Variants in ITGAM observed in about 807,000 individuals in gnomAD.
ITGAM encodes the protein integrin alpha-M.
Under a neutral mutation model 137.5 loss-of-function variants are expected in ITGAM, and 79 were observed. That is an observed-to-expected ratio of 0.57 (90% CI 0.48 to 0.69). The LOEUF is 0.69. Among genes scored for constraint, ITGAM ranks in the 30% least tolerant of loss-of-function variants. ITGAM has a pLI of 0.00. For missense variants in ITGAM, 1,343 were observed against 1,483.5 expected, an observed-to-expected ratio of 0.91 and a Z score of 1.56; for synonymous variants, 583 against 592.3, an observed-to-expected ratio of 0.98 and a Z score of 0.23.
intron 19 of ITGAM, 90 bp from the exon 20 acceptor site, chr16:31,325,173 T>C: frequency 6.6e-7 from 1 of 1,516,328 alleles, no homozygotes; most frequent in Non-Finnish European, 8.9e-7. Flanking sequence ...TGTCTCTTCA[T>C]CAAGTGTCTG....
Position 31,327,020 on chromosome 16 carries a change from C to G in ITGAM, c.2708+85C>G, listed in dbSNP as rs745832974. 20 of 971,526 alleles carry G rather than the reference C, an allele frequency of 2.1e-5. No homozygotes were observed. The South Asian group carries it at 2.6e-4, about 12-fold the overall frequency. 60.2% of individuals were successfully genotyped at this position (971,526 alleles called of 1,614,324 possible). Reference sequence around the variant, plus strand: ...CCATGGTGGGCCTTTGCCCTTTGCCCACTGGTTCTCCCTTCAACTCATTTG... The same window carrying G: ...CCATGGTGGGCCTTTGCCCTTTGCCGACTGGTTCTCCCTTCAACTCATTTG... On this transcript the variant is annotated intron_variant, in intron 22 of 29. Coordinates refer to ENST00000544665, the MANE Select transcript of ITGAM (RefSeq NM_000632.4).
chr16:31,330,545 C>T lies in ITGAM; in HGVS notation c.3216C>T (p.Ile1072=). The part of the protein sequence containing the change: ...NHLLIVSTAE[I]LFNDSVFTLL... Reference sequence around the variant, plus strand: ...TCCTGATCGTGAGCACAGCTGAGATCTTGTTTAACGATTCCGTGTTCACCC... The same window carrying T: ...TCCTGATCGTGAGCACAGCTGAGATTTTGTTTAACGATTCCGTGTTCACCC... Residue 1072 remains isoleucine (I), a synonymous_variant, in exon 28 of 30, where the codon ATC becomes ATT. Coordinates refer to ENST00000544665, the MANE Select transcript of ITGAM (RefSeq NM_000632.4). 2.5e-6 allele frequency: 4 copies of T among 1,613,668 alleles called. No individual in the cohort carries two copies. Among genetic ancestry groups the T allele is most frequent in the Non-Finnish European group, 3.4e-6 (4 of 1,179,660 alleles).
At chr16:31,283,874 C>G (rs1014560221) in intron 12 of ITGAM, among the ~76,000 whole-genome samples, 2 of 152,160 alleles carry the variant, frequency 1.3e-5, no homozygotes, top group African/African-American at 4.8e-5. Context: ...TACCTTTGGT[C>G]TTTGATGATG....
At chr16:31,321,091 C>G in intron 14 of ITGAM, 150 bp from the exon 15 acceptor site, 1 of 785,430 alleles carries the variant, frequency 1.3e-6, no homozygotes, top group East Asian at 2.5e-5. Context: ...TTGATAAGTT[C>G]TAAGCTGTCC....
intron 12 of ITGAM, among the ~76,000 whole-genome samples, chr16:31,283,671 C>G (rs544921865): frequency 6.6e-6 from 1 of 152,204 alleles, no homozygotes; most frequent in East Asian, 1.9e-4. Flanking sequence ...TGAACATCCT[C>G]CTTTAGCTCG....
At position 31,324,351 on chromosome 16, in the gene ITGAM, G is replaced by C; in HGVS notation, c.2003-48G>C. The C allele has an allele frequency of 6.6e-7, 1 of 1,520,670 alleles. No individual in the cohort carries two copies. The highest frequency in any genetic ancestry group is 8.9e-7 in the Non-Finnish European group (1 of 1,120,082). 94.2% of individuals were successfully genotyped at this position (1,520,670 alleles called of 1,614,324 possible). On this transcript the variant is annotated intron_variant, in intron 16 of 29. Transcript: ENST00000544665. This position sits in a 1 kb window ranked among gnomAD's most constrained non-coding sequence, Gnocchi z 4.5. ...CTGGGCCTTGAACTCCCATCTGCCG[G>C]GTTCCGAGGCTCAGGCCCCTCACTG...
At chr16:31,284,053 A>T (rs1185876689) in intron 12 of ITGAM, among the ~76,000 whole-genome samples, 3 of 152,176 alleles carry the variant, frequency 2.0e-5, no homozygotes, top group South Asian at 2.1e-4. Context: ...AATATTACAA[A>T]ACGGCAAATG....
intron 12 of ITGAM, among the ~76,000 whole-genome samples, chr16:31,291,760 G>C (rs1418997725): frequency 6.6e-6 from 1 of 152,074 alleles, no homozygotes; most frequent in Non-Finnish European, 1.5e-5. Flanking sequence ...GAGGTAGAGA[G>C]TAGCATGATG....
At chr16:31,278,920 A>G (rs2079938711) in intron 12 of ITGAM, among the ~76,000 whole-genome samples, 1 of 152,018 alleles carries the variant, frequency 6.6e-6, no homozygotes, top group African/African-American at 2.4e-5. Context: ...CTGGTGTGTG[A>G]TGTTCCCTAC....
rs1466535389 is a variant in ITGAM at position 31,265,510 on chromosome 16, C to T, written c.238+12C>T. The T allele has an allele frequency of 1.3e-6, 2 of 1,549,638 alleles. No individual in the cohort carries two copies. Among genetic ancestry groups the T allele is most frequent in the Non-Finnish European group, 1.8e-6 (2 of 1,136,224 alleles). On this transcript the variant is annotated intron_variant, in intron 3 of 29. Transcript: ENST00000544665. The stretch of plus-strand genomic sequence containing the variant: ...CATCCGCCTGCAGGGTGAGTCACTG[C>T]CCCGCCGGGCTGGGACTGGGATTCC...
intron 1 of ITGAM, among the ~76,000 whole-genome samples, chr16:31,260,659 C>T (rs41383546): frequency 2.1e-3 from 323 of 152,282 alleles, no homozygotes; most frequent in African/African-American, 7.4e-3. Flanking sequence ...GGCAAATCAT[C>T]GTTGTGACAC....
chr16:31,287,391 T>C (rs1197034509), intron 12 of ITGAM, among the ~76,000 whole-genome samples: 1 of 152,216 alleles, frequency 6.6e-6, no homozygotes, highest in Non-Finnish European at 1.5e-5. Context: ...AATAGTTTTT[T>C]CTATCTGTGA....
At chr16:31,326,659 C>T (rs1180570787) in intron 21 of ITGAM, among the ~76,000 whole-genome samples, 197 bp from the exon 22 acceptor site, 3 of 152,138 alleles carry the variant, frequency 2.0e-5, no homozygotes, top group African/African-American at 4.8e-5. Flanking sequence ...TCAGGTGATC[C>T]ACCTGCCTCA....
At chr16:31,279,466 A>G (rs1323906127) in intron 12 of ITGAM, among the ~76,000 whole-genome samples, 1 of 152,014 alleles carries the variant, frequency 6.6e-6, no homozygotes, top group Non-Finnish European at 1.5e-5. Flanking sequence ...TGTGATTTTG[A>G]TTTGCATTTC....
Position 31,324,284 on chromosome 16 carries a change from C to G in ITGAM, c.2003-115C>G, listed in dbSNP as rs1274671086. 1 of 758,174 alleles carries G rather than the reference C, an allele frequency of 1.3e-6. No individual in the cohort carries two copies. The highest frequency in any genetic ancestry group is 2.1e-6 in the Non-Finnish European group (1 of 468,482). The allele number at this position is 758,174 out of a possible 1,614,324, so 47.0% of individuals were successfully genotyped here. ...GGAAGGAAAGAAGACTCAGAGAAGTCAGATAACATACCCCAAGTCACACAG... is the reference window on the plus strand; with the variant it reads ...GGAAGGAAAGAAGACTCAGAGAAGTGAGATAACATACCCCAAGTCACACAG... On this transcript the variant is annotated intron_variant, in intron 16 of 29. Coordinates refer to ENST00000544665, the MANE Select transcript of ITGAM (RefSeq NM_000632.4). The surrounding 1 kb of genome is among the most constrained non-coding windows in gnomAD (Gnocchi z 4.5).
At chr16:31,314,456 AG>A (rs2080369166) in intron 14 of ITGAM, among the ~76,000 whole-genome samples, 1 of 152,160 alleles carries the variant, frequency 6.6e-6, no homozygotes, top group African/African-American at 2.4e-5. Context: ...ATGGCTAGCC[AG>A]TTTTCCCAGA....
chr16:31,319,737 T>G (rs1427312405), intron 14 of ITGAM, among the ~76,000 whole-genome samples: 1 of 151,778 alleles, frequency 6.6e-6, no homozygotes, highest in Non-Finnish European at 1.5e-5. Context: ...TGTCCCTCTT[T>G]TCTTCTCTTG....
At chr16:31,267,585 G>A (rs1178547903) in intron 5 of ITGAM, among the ~76,000 whole-genome samples, 1 of 152,110 alleles carries the variant, frequency 6.6e-6, no homozygotes, top group Non-Finnish European at 1.5e-5. Context: ...TCTGTCCCAT[G>A]ACTAAATTCT....
At chr16:31,293,482 C>T (rs1344767183) in intron 12 of ITGAM, among the ~76,000 whole-genome samples, 2 of 152,110 alleles carry the variant, frequency 1.3e-5, no homozygotes, top group Admixed American at 6.6e-5. Context: ...GTTATCCTAG[C>T]ACCATTTGTT....
Sources: allele counts gnomAD v4.1 joint callset (sites outside exome capture counted in the v4.1 genomes callset), GRCh38; gene constraint gnomAD v4.1.1; non-coding constraint Gnocchi (gnomAD v3.1); transcripts MANE v1.5; gene names NCBI Gene and HGNC (gene_info 2026-07-23, HGNC 2026-07-21).